Variants in ATP9A observed in about 807,000 individuals in gnomAD.
The protein encoded by ATP9A is probable phospholipid-transporting ATPase IIA.
ATP9A carries 52 observed loss-of-function variants against 144.1 expected under a neutral mutation model. That is an observed-to-expected ratio of 0.36 (90% CI 0.29 to 0.45). The LOEUF is 0.45. ATP9A is among the 20% of genes least tolerant of loss of function. The probability of loss-of-function intolerance (pLI) is 1.00; values close to 1 mark genes in which losing one functional copy is unlikely to be tolerated. For synonymous variants in ATP9A, 582 were observed against 557.4 expected (o/e 1.04, Z -0.62); for missense variants, 947 against 1,392.7 (o/e 0.68, Z 5.09).
chr20:51,619,597 G>T (rs1162971537), intron 19 of ATP9A, among the ~76,000 whole-genome samples: 1 of 146,718 alleles, frequency 6.8e-6, no homozygotes, highest in South Asian at 2.2e-4. Context: ...GGCCAGGTAC[G>T]GTGGCTCACA....
At chr20:51,653,894 C>G (rs934725661) in intron 14 of ATP9A, among the ~76,000 whole-genome samples, 1 of 152,124 alleles carries the variant, frequency 6.6e-6, no homozygotes, top group African/African-American at 2.4e-5. Context: ...CATCAAATAC[C>G]CACAGGTTAC....
chr20:51,680,054 A>AT (rs2077493554), intron 9 of ATP9A, among the ~76,000 whole-genome samples: 1 of 151,950 alleles, frequency 6.6e-6, no homozygotes, highest in Admixed American at 6.6e-5. Context: ...ACATGGTGAA[A>AT]TCCCGTCTCC....
chr20:51,603,509 G>A (rs902697730), intron 27 of ATP9A, among the ~76,000 whole-genome samples: 2 of 152,176 alleles, frequency 1.3e-5, no homozygotes, highest in Admixed American at 6.5e-5. Flanking sequence ...GATGGGGTCC[G>A]TAGCATAGCA....
At chr20:51,754,882 G>A (rs1285558884) in intron 1 of ATP9A, among the ~76,000 whole-genome samples, 1 of 151,852 alleles carries the variant, frequency 6.6e-6, no homozygotes, top group East Asian at 1.9e-4. Context: ...GGGAGGCCGA[G>A]GTGGATCACT....
chr20:51,622,505 A>G (rs1382795927), intron 18 of ATP9A, among the ~76,000 whole-genome samples: 2 of 152,220 alleles, frequency 1.3e-5, no homozygotes, highest in Non-Finnish European at 2.9e-5. Context: ...ATCCTAAAAG[A>G]AGGGAAAGGC....
chr20:51,765,687 G>A (rs2122927627), intron 1 of ATP9A, among the ~76,000 whole-genome samples: 1 of 146,888 alleles, frequency 6.8e-6, no homozygotes, highest in Admixed American at 6.9e-5. Flanking sequence ...CAAGCACGGT[G>A]GCTCACGTCT....
In ATP9A at chr20:51,598,569, T is replaced by C. The variant is rs1323047477; in HGVS notation, c.*2642A>G. 1 of 152,098 alleles carries C rather than the reference T, an allele frequency of 6.6e-6. No homozygotes were observed. Among genetic ancestry groups the C allele is most frequent in the Non-Finnish European group, 1.5e-5 (1 of 68,014 alleles). 9.4% of individuals were successfully genotyped at this position (152,098 alleles called of 1,614,324 possible). The stretch of plus-strand genomic sequence containing the variant: ...AGGTTTACAAACTCAGGAGAGTTTC[T>C]TGTATAGTAACTCTAGTTTCTTGTT... On this transcript the variant is annotated 3_prime_UTR_variant, in exon 28 of 28. Coordinates refer to ENST00000338821, the MANE Select transcript of ATP9A (RefSeq NM_006045.3).
chr20:51,617,674 C>T, intron 21 of ATP9A, 120 bp from the exon 22 acceptor site: 1 of 1,069,490 alleles, frequency 9.4e-7, no homozygotes, highest in Non-Finnish European at 1.4e-6. Context: ...CTGGCCTGCC[C>T]CGTCCATTCC....
chr20:51,650,884 A>G (rs1307163707), intron 14 of ATP9A, among the ~76,000 whole-genome samples: 1 of 144,066 alleles, frequency 6.9e-6, no homozygotes, highest in African/African-American at 2.5e-5. Flanking sequence ...CATGGCACAC[A>G]GGAAAATACA....
At chr20:51,620,444 CT>C (rs1479276901) in intron 19 of ATP9A, among the ~76,000 whole-genome samples, 4 of 152,240 alleles carry the variant, frequency 2.6e-5, no homozygotes, top group East Asian at 1.9e-4. Flanking sequence ...GTTTTTGCCC[CT>C]GGTTGCAATA....
chr20:51,687,613 A>G, intron 9 of ATP9A, among the ~76,000 whole-genome samples: 1 of 152,102 alleles, frequency 6.6e-6, no homozygotes, highest in East Asian at 1.9e-4. Context: ...AGTATTTAAA[A>G]ATTAGCTGGG....
intron 4 of ATP9A, among the ~76,000 whole-genome samples, chr20:51,702,291 CAAAAAA>C (rs568902724): frequency 9.9e-6 from 1 of 101,284 alleles, no homozygotes. Flanking sequence ...GACTCTGTCT[CAAAAAA>C]AAAAAAAAAA....
At chr20:51,628,939 A>C (rs968643317) in intron 16 of ATP9A, 41 bp downstream of exon 16, 24 of 1,551,432 alleles carry the variant, frequency 1.5e-5, no homozygotes, top group African/African-American at 2.7e-5. Context: ...TCTGCAGAAC[A>C]TGCTTCCAAG....
At chr20:51,608,863 C>T (rs1213067433) in intron 24 of ATP9A, among the ~76,000 whole-genome samples, 1 of 151,428 alleles carries the variant, frequency 6.6e-6, no homozygotes, top group Non-Finnish European at 1.5e-5. Flanking sequence ...ATTAGGTAAA[C>T]TCTATGTGTG....
intron 9 of ATP9A, among the ~76,000 whole-genome samples, chr20:51,684,531 C>T (rs2077513777): frequency 6.7e-6 from 1 of 148,734 alleles, no homozygotes; most frequent in Non-Finnish European, 1.5e-5. Flanking sequence ...TCCATCTCTA[C>T]TAAAAATACA....
At position 51,697,427 on chromosome 20, in the gene ATP9A, T is replaced by G. The variant is rs1293230282; in HGVS notation, c.492A>C (p.Glu164Asp). The change falls in exon 5 of 28, where the codon GAA becomes GAC. Residue 164 changes from glutamate (E) to aspartate (D), a missense_variant. Transcript: ENST00000338821. ...CAAGCTTCCAGATTCTGCTCACCTT[T>G]TCAACGATGATAAGGTCTCCAACTT... ...NIQVGDLIIVEKNQRVPADMI... is the reference protein window; with the variant it reads ...NIQVGDLIIVDKNQRVPADMI... 3 of 1,613,076 alleles carry G rather than the reference T, an allele frequency of 1.9e-6. No homozygotes were observed. Among genetic ancestry groups the G allele is most frequent in the South Asian group, 2.2e-5 (2 of 90,794 alleles).
intron 25 of ATP9A, among the ~76,000 whole-genome samples, chr20:51,608,043 C>CA (rs11482003): frequency 0.42 from 48,393 of 116,174 alleles, 10,805 homozygotes; most frequent in East Asian, 0.73. Flanking sequence ...GAATTAGTCT[C>CA]AAAAAAAAAA....
intron 1 of ATP9A, among the ~76,000 whole-genome samples, chr20:51,735,651 G>A (rs2122881847): frequency 6.6e-6 from 1 of 152,276 alleles, no homozygotes; most frequent in African/African-American, 2.4e-5. Context: ...TAAGAACTTT[G>A]TGTTACCTGA....
chr20:51,693,868 A>AG lies in ATP9A; in HGVS notation c.642+139dup, dbSNP rs751380605. ...CACGTCAGGAAAGCCAACTAGGCCC[A>AG]GGGGCTCTCCAGGACCCCACGCTCC... On this transcript the variant is annotated intron_variant, in intron 7 of 27. Transcript: ENST00000338821. 22 of 691,862 alleles carry AG rather than the reference A, an allele frequency of 3.2e-5. No individual in the cohort carries two copies. In the Middle Eastern group the frequency reaches 5.0e-3, roughly 157 times the overall value. The allele number at this position is 691,862 out of a possible 1,614,324, so 42.9% of individuals were successfully genotyped here.
Sources: allele counts gnomAD v4.1 joint callset (sites outside exome capture counted in the v4.1 genomes callset), GRCh38; gene constraint gnomAD v4.1.1; transcripts MANE v1.5; gene names NCBI Gene and HGNC (gene_info 2026-07-23, HGNC 2026-07-21).